CTNNA2: variants seen among roughly 807,000 people sequenced by gnomAD.
CTNNA2 encodes catenin alpha 2.
Under a neutral mutation model 101.0 loss-of-function variants are expected in CTNNA2, and 42 were observed. That is an observed-to-expected ratio of 0.42 (90% confidence interval 0.32 to 0.54). The LOEUF is 0.54. Among genes scored for constraint, CTNNA2 ranks in the 20% least tolerant of loss-of-function variants. The probability of loss-of-function intolerance (pLI) is 0.14; values close to 1 mark genes in which losing one functional copy is unlikely to be tolerated. For missense variants in CTNNA2, 871 were observed against 1,223.1 expected (o/e 0.71, Z 4.29); for synonymous variants, 450 against 456.4 (o/e 0.99, Z 0.18).
At chr2:80,165,218 T>C (rs1315667034) in intron 7 of CTNNA2, among the ~76,000 whole-genome samples, 1 of 151,778 alleles carries the variant, frequency 6.6e-6, no homozygotes, top group African/African-American at 2.4e-5. Flanking sequence ...CCTAAGGCTT[T>C]GTTAATTAAT....
At chr2:79,451,781 C>G (rs1056171895) in intron 4 of CTNNA2, among the ~76,000 whole-genome samples, 1 of 150,588 alleles carries the variant, frequency 6.6e-6, no homozygotes, top group Non-Finnish European at 1.5e-5. Flanking sequence ...AAATATTTTT[C>G]AAATACATGT....
At chr2:80,272,138 G>T (rs1673540398) in intron 7 of CTNNA2, among the ~76,000 whole-genome samples, 1 of 152,178 alleles carries the variant, frequency 6.6e-6, no homozygotes, top group African/African-American at 2.4e-5. Flanking sequence ...CTTTTCAACT[G>T]CTTCTTTTCC....
At chr2:80,160,958 G>C (rs1321507331) in intron 7 of CTNNA2, among the ~76,000 whole-genome samples, 1 of 151,908 alleles carries the variant, frequency 6.6e-6, no homozygotes, top group African/African-American at 2.4e-5. Flanking sequence ...ATATTCTTCA[G>C]AGAGTTTATT....
chr2:80,019,925 C>T (rs1305304261), intron 7 of CTNNA2, among the ~76,000 whole-genome samples: 1 of 152,084 alleles, frequency 6.6e-6, no homozygotes, highest in Non-Finnish European at 1.5e-5. Context: ...CTGTAGTTCC[C>T]TACGTTTTTA....
chr2:80,540,984 T>G (rs1322256356), intron 9 of CTNNA2, among the ~76,000 whole-genome samples: 1 of 152,204 alleles, frequency 6.6e-6, no homozygotes, highest in South Asian at 2.1e-4. Context: ...CCACTGCATC[T>G]GGCCCAAGCT....
intron 4 of CTNNA2, among the ~76,000 whole-genome samples, chr2:79,400,675 T>A (rs1678280909): frequency 6.6e-6 from 1 of 151,868 alleles, no homozygotes; most frequent in Non-Finnish European, 1.5e-5. Flanking sequence ...GGCACACTAT[T>A]TTACACATAT....
Position 79,728,242 on chromosome 2 carries a change from G to A in CTNNA2, c.103-16145G>A, listed in dbSNP as rs541519278. ...CTCCACATCCTCTCCAGCACCTGTTGTTTCCTGACTTTTTAATGATCGCCA... is the reference window on the plus strand; with the variant it reads ...CTCCACATCCTCTCCAGCACCTGTTATTTCCTGACTTTTTAATGATCGCCA... On this transcript the variant is annotated intron_variant, in intron 2 of 18. Coordinates refer to ENST00000402739, the MANE Select transcript of CTNNA2 (RefSeq NM_001282597.3). Among the ~76,000 whole-genome samples, 1,397 of 152,130 alleles carry A rather than the reference G, an allele frequency of 9.2e-3. 25 individuals carry two copies. Among genetic ancestry groups the A allele is most frequent in the African/African-American group, 0.032 (1,310 of 41,518 alleles).
intron 2 of CTNNA2, among the ~76,000 whole-genome samples, chr2:79,233,749 T>C (rs761636887): frequency 2.0e-5 from 3 of 152,162 alleles, no homozygotes; most frequent in Non-Finnish European, 4.4e-5. Flanking sequence ...CATAAACATA[T>C]ATGTTTAAGA....
intron 3 of CTNNA2, among the ~76,000 whole-genome samples, chr2:79,773,346 T>C (rs550622140): frequency 8.5e-5 from 13 of 152,346 alleles, no homozygotes; most frequent in African/African-American, 3.1e-4. Context: ...CCTGATGACA[T>C]GTGCCCAAGG....
chr2:80,242,970 C>T (rs1671053883), intron 7 of CTNNA2, among the ~76,000 whole-genome samples: 3 of 152,134 alleles, frequency 2.0e-5, no homozygotes, highest in Admixed American at 2.0e-4. Flanking sequence ...TCTGGAGGTG[C>T]AAAACAGAAG....
chr2:79,532,769 C>G (rs1417429066), intron 1 of CTNNA2, among the ~76,000 whole-genome samples: 1 of 151,678 alleles, frequency 6.6e-6, no homozygotes, highest in Non-Finnish European at 1.5e-5. Context: ...AATGCTAAAA[C>G]CCCTAATCTG....
intron 7 of CTNNA2, among the ~76,000 whole-genome samples, chr2:80,356,420 T>A (rs1391471743): frequency 1.3e-5 from 2 of 152,124 alleles, no homozygotes; most frequent in African/African-American, 4.8e-5. Flanking sequence ...TCTCTGGAAC[T>A]CAGTTATAAA....
At chr2:79,863,928 C>A (rs983771330) in intron 4 of CTNNA2, among the ~76,000 whole-genome samples, 1 of 152,036 alleles carries the variant, frequency 6.6e-6, no homozygotes, top group African/African-American at 2.4e-5. Context: ...AATTGCACAG[C>A]GGGGCATACT....
chr2:79,348,318 T>G (rs948431680), intron 3 of CTNNA2, among the ~76,000 whole-genome samples: 1 of 152,214 alleles, frequency 6.6e-6, no homozygotes, highest in Non-Finnish European at 1.5e-5. Context: ...GGCTGAATTA[T>G]CTGATCAAAA....
At chr2:80,059,164 C>T (rs926435835) in intron 7 of CTNNA2, among the ~76,000 whole-genome samples, 2 of 152,192 alleles carry the variant, frequency 1.3e-5, no homozygotes, top group African/African-American at 4.8e-5. Flanking sequence ...AGCACATATA[C>T]ACCCGAGGGC....
rs577154246 is a variant in CTNNA2, at chr2:79,600,299, C to T, written c.-5-51253C>T. Among the ~76,000 whole-genome samples, 24 of 152,258 alleles carry T rather than the reference C, an allele frequency of 1.6e-4. 2 individuals carry two copies. In the South Asian group the frequency reaches 4.8e-3, roughly 30 times the overall value. ...CAAGCCATTCTTGTGCCTCAGCCTT[C>T]CCAGTAGCTGGGATTACAGGTGTGT... On this transcript the variant is annotated intron_variant, in intron 1 of 18. Coordinates refer to ENST00000402739, the MANE Select transcript of CTNNA2 (RefSeq NM_001282597.3).
rs187768873 is a variant in CTNNA2, at chr2:79,857,701, A to T, written c.299-312A>T. Among the ~76,000 whole-genome samples the T allele has an allele frequency of 1.7e-4, 26 of 152,296 alleles. No homozygotes were observed. In the East Asian group the frequency reaches 4.6e-3, roughly 27 times the overall value. On this transcript the variant is annotated intron_variant, in intron 3 of 18. Coordinates refer to ENST00000402739, the MANE Select transcript of CTNNA2 (RefSeq NM_001282597.3). ...TTGGTTCCAAGGCAAATGCAGAGAGAGGATGATTAAGCTCAAGGCAAATCC... is the reference window on the plus strand; with the variant it reads ...TTGGTTCCAAGGCAAATGCAGAGAGTGGATGATTAAGCTCAAGGCAAATCC...
intron 7 of CTNNA2, chr2:80,313,549 A>G: frequency 6.2e-7 from 1 of 1,610,300 alleles, no homozygotes; most frequent in Non-Finnish European, 8.5e-7. Flanking sequence ...AGGAAGGAAG[A>G]CGAATTGACC....
chr2:79,813,361 G>A (rs1677202192), intron 3 of CTNNA2, among the ~76,000 whole-genome samples: 1 of 152,162 alleles, frequency 6.6e-6, no homozygotes, highest in Non-Finnish European at 1.5e-5. Context: ...ATTTATGAAA[G>A]TAACAGGCCT....
Sources: allele counts gnomAD v4.1 joint callset (sites outside exome capture counted in the v4.1 genomes callset), GRCh38; gene constraint gnomAD v4.1.1; transcripts MANE v1.5; gene names NCBI Gene and HGNC (gene_info 2026-07-23, HGNC 2026-07-21).